Variants in ABCA13 observed in about 807,000 individuals in gnomAD.
ABCA13 encodes ATP-binding cassette sub-family A member 13.
A neutral mutation model predicts 478.7 loss-of-function variants in ABCA13; 476 were observed. The observed-to-expected ratio is 0.99, with a 90% CI of 0.92 to 1.07. The LOEUF is 1.07. Ranked by LOEUF, ABCA13 falls within the 50% of genes least tolerant of loss-of-function variation. The pLI is 0.00. For synonymous variants in ABCA13, 2,252 were observed against 2,158.9 expected, an observed-to-expected ratio of 1.04 and a Z score of -1.20; for missense variants, 6,060 against 5,910.6, an observed-to-expected ratio of 1.03 and a Z score of -0.83.
At chr7:48,428,925 C>A (rs931923853) in intron 42 of ABCA13, among the ~76,000 whole-genome samples, 1 of 152,214 alleles carries the variant, frequency 6.6e-6, no homozygotes, top group Admixed American at 6.5e-5. Flanking sequence ...AAACTGGTGT[C>A]ACTTAGCAAT....
chr7:48,324,440 G>C (rs985441574), intron 27 of ABCA13, among the ~76,000 whole-genome samples: 2 of 152,150 alleles, frequency 1.3e-5, no homozygotes, highest in African/African-American at 2.4e-5. Context: ...CGAGGGTTAA[G>C]ACTTCAGCAT....
chr7:48,312,988 A>G, intron 24 of ABCA13, 79 bp from the exon 25 acceptor site: 1 of 1,395,564 alleles, frequency 7.2e-7, no homozygotes, highest in Non-Finnish European at 9.4e-7. Flanking sequence ...ACAAGTTTTC[A>G]CAGCTCAAAA....
chr7:48,404,963 G>T (rs1172186626), intron 39 of ABCA13, among the ~76,000 whole-genome samples: 1 of 152,226 alleles, frequency 6.6e-6, no homozygotes, highest in African/African-American at 2.4e-5. Flanking sequence ...GCCTGGCCTG[G>T]GCAATTGCAC....
chr7:48,374,683 A>G (rs2129032284), intron 34 of ABCA13, among the ~76,000 whole-genome samples: 1 of 152,136 alleles, frequency 6.6e-6, no homozygotes, highest in South Asian at 2.1e-4. Flanking sequence ...TCCTTATACC[A>G]CCCTTGACGT....
chr7:48,474,407 A>C (rs1358192830), intron 45 of ABCA13, among the ~76,000 whole-genome samples: 3 of 152,202 alleles, frequency 2.0e-5, no homozygotes, highest in Non-Finnish European at 4.4e-5. Context: ...TTAGATGATT[A>C]GAAATTAGAT....
chr7:48,430,574 C>T (rs1265307169), intron 42 of ABCA13, among the ~76,000 whole-genome samples: 5 of 148,328 alleles, frequency 3.4e-5, no homozygotes, highest in Admixed American at 1.4e-4. Flanking sequence ...ACTTGGGAGG[C>T]GGAGGCAGAG....
At position 48,179,890 on chromosome 7, in the gene ABCA13, C is replaced by T. The variant is rs1021674974; in HGVS notation, c.69+8338C>T. On this transcript the variant is annotated intron_variant, in intron 1 of 61. Coordinates refer to ENST00000435803, the MANE Select transcript of ABCA13 (RefSeq NM_152701.5). ...AATCATCATGCACCTGAGCCCAGGA[C>T]ATCAGTCCTATTTCCCACACTCCTG... 3.3e-5 allele frequency among the ~76,000 whole-genome samples: 5 copies of T among 152,272 alleles called. 1 individual carries two copies. In the South Asian group the frequency reaches 6.2e-4, roughly 19 times the overall value.
At chr7:48,479,039 C>T (rs1450824475) in intron 45 of ABCA13, among the ~76,000 whole-genome samples, 1 of 150,834 alleles carries the variant, frequency 6.6e-6, no homozygotes, top group Non-Finnish European at 1.5e-5. Context: ...GCTCCGCCTC[C>T]TGGGTTCACG....
chr7:48,332,516 T>C (rs768209616), intron 27 of ABCA13, among the ~76,000 whole-genome samples: 16 of 152,234 alleles, frequency 1.1e-4, no homozygotes, highest in Non-Finnish European at 2.2e-4. Flanking sequence ...TGATTTATGT[T>C]TTAATCATCA....
intron 3 of ABCA13, among the ~76,000 whole-genome samples, chr7:48,206,121 A>G (rs139221649): frequency 6.6e-6 from 1 of 152,304 alleles, no homozygotes; most frequent in East Asian, 1.9e-4. Flanking sequence ...TATAAAGGAT[A>G]TATCCTTGGT....
intron 39 of ABCA13, among the ~76,000 whole-genome samples, chr7:48,406,188 A>G (rs1818238138): frequency 6.6e-6 from 1 of 152,230 alleles, no homozygotes; most frequent in South Asian, 2.1e-4. Context: ...CCCTGGTACC[A>G]GTATTTCTGT....
intron 55 of ABCA13, among the ~76,000 whole-genome samples, chr7:48,541,764 A>G (rs1053667727): frequency 6.8e-6 from 1 of 146,022 alleles, no homozygotes; most frequent in South Asian, 2.1e-4. Flanking sequence ...ATCATATGAT[A>G]TATATCTTAG....
At chr7:48,613,244 A>C (rs890716729) in intron 58 of ABCA13, among the ~76,000 whole-genome samples, 21 of 151,354 alleles carry the variant, frequency 1.4e-4, no homozygotes, top group Admixed American at 3.3e-4. Context: ...GCTGGAGTGC[A>C]GTGGCAAAAT....
chr7:48,606,786 C>T (rs939275867), intron 58 of ABCA13, among the ~76,000 whole-genome samples: 8 of 152,206 alleles, frequency 5.3e-5, no homozygotes, highest in Non-Finnish European at 8.8e-5. Flanking sequence ...CAGACAGGGA[C>T]GTTTAAGTCT....
Position 48,646,080 on chromosome 7 carries a change from C to T in ABCA13, c.*568C>T, listed in dbSNP as rs1795418296. 1 of 152,100 alleles carries T rather than the reference C, an allele frequency of 6.6e-6. No individual in the cohort carries two copies. Among genetic ancestry groups the T allele is most frequent in the South Asian group, 2.1e-4 (1 of 4,826 alleles). The allele number at this position is 152,100 out of a possible 1,614,324, so 9.4% of individuals were successfully genotyped here. On this transcript the variant is annotated 3_prime_UTR_variant, in exon 62 of 62. Transcript: ENST00000435803. The stretch of plus-strand genomic sequence containing the variant: ...ATATGAAAAAATCACCAATTTTTTA[C>T]ATATAAAAGATACCTTTTTAAAAAA...
In ABCA13 at chr7:48,478,697, T is replaced by C. The variant is rs566684729; in HGVS notation, c.12976-2339T>C. 1.6e-4 allele frequency among the ~76,000 whole-genome samples: 24 copies of C among 152,222 alleles called. No individual in the cohort carries two copies. The East Asian group carries it at 4.6e-3, about 29-fold the overall frequency. On this transcript the variant is annotated intron_variant, in intron 45 of 61. Transcript: ENST00000435803. ...CACTCTCTGTTTAGGTATGGTTACA[T>C]TCTTGGTCTTACAGGGAGGAGAAGA...
chr7:48,536,106 T>C (rs895965593), intron 55 of ABCA13, among the ~76,000 whole-genome samples: 1 of 152,236 alleles, frequency 6.6e-6, no homozygotes, highest in Non-Finnish European at 1.5e-5. Context: ...CACATGCAGC[T>C]GTCTGAGCAG....
intron 55 of ABCA13, among the ~76,000 whole-genome samples, chr7:48,579,083 C>G (rs6977569): frequency 0.017 from 2,578 of 152,182 alleles, 67 homozygotes; most frequent in African/African-American, 0.058. Flanking sequence ...GTGACAATGC[C>G]TTTTTAGAGA....
intron 29 of ABCA13, among the ~76,000 whole-genome samples, chr7:48,342,137 T>C (rs897445676): frequency 6.6e-6 from 1 of 152,020 alleles, no homozygotes; most frequent in African/African-American, 2.4e-5. Context: ...GTATTATTTA[T>C]TTATCTTTGG....
Sources: gnomAD v4.1 joint callset for allele counts (sites outside exome capture counted in the v4.1 genomes callset) on GRCh38, gnomAD v4.1.1 for gene constraint, MANE v1.5 for transcripts, NCBI Gene and HGNC (gene_info 2026-07-23, HGNC 2026-07-21) for gene names.